The following TENM3 variants were observed in gnomAD, a reference collection of about 807,000 sequenced individuals.
The protein encoded by TENM3 is teneurin-3.
In TENM3, 63 loss-of-function variants were observed where a neutral mutation model predicts 255.1. The ratio of observed to expected loss-of-function variants is 0.25; its 90% CI spans 0.20 to 0.30. The LOEUF (loss-of-function observed/expected upper bound fraction) is 0.30. TENM3 is among the 10% of genes least tolerant of loss of function. The pLI is 1.00. For synonymous variants in TENM3, 1,306 were observed against 1,322.3 expected (o/e 0.99, Z 0.27); for missense variants, 2,929 against 3,461.1 (o/e 0.85, Z 3.86).
chr4:182,686,713 A>G (rs1756605073), intron 11 of TENM3, among the ~76,000 whole-genome samples: 1 of 152,120 alleles, frequency 6.6e-6, no homozygotes, highest in Non-Finnish European at 1.5e-5. Context: ...ACTCTAATTA[A>G]TAAGTTCATT....
At chr4:182,108,569 A>G in the TENM3 span, among the ~76,000 whole-genome samples, 37 of 152,216 alleles carry the variant, frequency 2.4e-4, no homozygotes, top group African/African-American at 8.4e-4. Flanking sequence ...TCCTAGGAAT[A>G]TGGAATGAAT....
the TENM3 span, among the ~76,000 whole-genome samples, chr4:181,795,982 A>G: frequency 1.3e-5 from 2 of 152,078 alleles, no homozygotes; most frequent in East Asian, 3.9e-4. Context: ...AAGAAAGGCT[A>G]GAGGCCTGAG....
intron 1 of TENM3, among the ~76,000 whole-genome samples, chr4:182,297,605 C>T (rs1561293817): frequency 6.6e-6 from 1 of 152,186 alleles, no homozygotes; most frequent in Non-Finnish European, 1.5e-5. Flanking sequence ...GACACACCAG[C>T]ATGTGAATTT....
the TENM3 span, among the ~76,000 whole-genome samples, chr4:181,481,117 G>A: frequency 9.2e-6 from 1 of 108,758 alleles, no homozygotes; most frequent in African/African-American, 2.8e-5. Flanking sequence ...ATTTTGTAGA[G>A]TTTTATAAGA....
chr4:181,587,528 A>G, the TENM3 span, among the ~76,000 whole-genome samples: 1 of 152,206 alleles, frequency 6.6e-6, no homozygotes, highest in African/African-American at 2.4e-5. Flanking sequence ...AAACCCACGT[A>G]TGATGTTGGT....
chr4:182,675,131 C>T (rs554146058), intron 7 of TENM3, among the ~76,000 whole-genome samples: 1 of 150,906 alleles, frequency 6.6e-6, no homozygotes, highest in South Asian at 2.1e-4. Flanking sequence ...CCTCCTCGGC[C>T]TCCCAAAGTG....
the TENM3 span, among the ~76,000 whole-genome samples, chr4:181,533,905 T>G: frequency 6.6e-6 from 1 of 152,310 alleles, no homozygotes; most frequent in Non-Finnish European, 1.5e-5. Flanking sequence ...TATTATCATT[T>G]ATAGAGATAA....
intron 1 of TENM3, among the ~76,000 whole-genome samples, chr4:182,186,169 T>G (rs1035254312): frequency 6.6e-6 from 1 of 152,232 alleles, no homozygotes; most frequent in African/African-American, 2.4e-5. Flanking sequence ...GGTTCCTATG[T>G]GTGTGCACAC....
chr4:181,639,041 T>G, the TENM3 span, among the ~76,000 whole-genome samples: 1 of 152,150 alleles, frequency 6.6e-6, no homozygotes, highest in South Asian at 2.1e-4. Flanking sequence ...ATTCATTTTG[T>G]TTTGCATTTT....
the TENM3 span, among the ~76,000 whole-genome samples, chr4:181,833,974 A>C: frequency 0.017 from 2,588 of 152,304 alleles, 43 homozygotes; most frequent in Middle Eastern, 0.048. Context: ...AACTTGGAGA[A>C]TGTTAAAGTG....
chr4:181,990,734 G>A, the TENM3 span, among the ~76,000 whole-genome samples: 3 of 152,058 alleles, frequency 2.0e-5, no homozygotes, highest in African/African-American at 4.8e-5. Context: ...ACTCCATGAC[G>A]CTCACAACTA....
chr4:181,899,634 C>A, the TENM3 span, among the ~76,000 whole-genome samples: 1 of 152,084 alleles, frequency 6.6e-6, no homozygotes. Flanking sequence ...GTGGCGCGAT[C>A]TCAGCTCACT....
intron 22 of TENM3, among the ~76,000 whole-genome samples, chr4:182,756,172 C>T (rs940070850): frequency 3.3e-5 from 5 of 152,174 alleles, no homozygotes; most frequent in African/African-American, 7.2e-5. Context: ...TTGCTGATTA[C>T]GTAGAAGGGC....
At chr4:182,347,657 C>T (rs574634464) in intron 3 of TENM3, among the ~76,000 whole-genome samples, 3 of 151,994 alleles carry the variant, frequency 2.0e-5, no homozygotes, top group East Asian at 1.9e-4. Flanking sequence ...ATTGCCAATG[C>T]GGGATGATTT....
chr4:182,421,806 A>C (rs946965097), intron 3 of TENM3, among the ~76,000 whole-genome samples: 3 of 152,198 alleles, frequency 2.0e-5, no homozygotes, highest in South Asian at 4.1e-4. Flanking sequence ...CTTGATTTGC[A>C]ACTTAGTCCA....
chr4:181,649,232 A>G, the TENM3 span, among the ~76,000 whole-genome samples: 2 of 152,146 alleles, frequency 1.3e-5, no homozygotes, highest in Admixed American at 6.5e-5. Context: ...TTGGCTCCCT[A>G]TTGCCAGAGC....
At chr4:182,518,901 CTAA>C (rs1380248274) in intron 3 of TENM3, among the ~76,000 whole-genome samples, 7 of 152,146 alleles carry the variant, frequency 4.6e-5, no homozygotes, top group Non-Finnish European at 1.0e-4. Flanking sequence ...AGGAAAACAA[CTAA>C]TAATAACTTA....
the TENM3 span, among the ~76,000 whole-genome samples, chr4:182,085,430 G>A: frequency 1.4e-4 from 21 of 152,046 alleles, no homozygotes; most frequent in South Asian, 3.9e-3. Flanking sequence ...AATTACACAC[G>A]ATTTTTTTTT....
At chr4:182,659,527 G>A (rs568442317) in intron 6 of TENM3, among the ~76,000 whole-genome samples, 10 of 152,252 alleles carry the variant, frequency 6.6e-5, no homozygotes, top group Middle Eastern at 3.4e-3. Flanking sequence ...TGGATAAGAA[G>A]GGATTCCTAT....
Sources: allele counts gnomAD v4.1 joint callset (sites outside exome capture counted in the v4.1 genomes callset), GRCh38; gene constraint gnomAD v4.1.1; transcripts MANE v1.5; gene names NCBI Gene and HGNC (gene_info 2026-07-23, HGNC 2026-07-21).